IL16: variants seen among roughly 807,000 people sequenced by gnomAD.
The protein encoded by IL16 is pro-interleukin-16.
A neutral mutation model predicts 110.1 loss-of-function variants in IL16; 67 were observed. The observed-to-expected ratio is 0.61, with a 90% confidence interval of 0.50 to 0.75. The LOEUF (loss-of-function observed/expected upper bound fraction) is 0.75. IL16 is among the 30% of genes least tolerant of loss of function. The probability of loss-of-function intolerance (pLI) is 0.00; values close to 1 mark genes in which losing one functional copy is unlikely to be tolerated. For synonymous variants in IL16, 689 were observed against 662.9 expected (o/e 1.04, Z -0.61); for missense variants, 1,545 against 1,655.0 (o/e 0.93, Z 1.15).
chr15:81,219,836 G>A (rs1896555266), intron 1 of IL16, among the ~76,000 whole-genome samples: 1 of 152,104 alleles, frequency 6.6e-6, no homozygotes. Context: ...TGTTGGAAAG[G>A]GCCTCTGAAA....
At chr15:81,253,512 T>C (rs1213256922) in intron 2 of IL16, among the ~76,000 whole-genome samples, 2 of 152,196 alleles carry the variant, frequency 1.3e-5, no homozygotes, top group Admixed American at 1.3e-4. Context: ...TTTGTGCTTT[T>C]TGTATCGTAT....
chr15:81,289,949 T>C, intron 10 of IL16: 1 of 452,030 alleles, frequency 2.2e-6, no homozygotes, highest in South Asian at 1.6e-5. Context: ...TGTCTAGGTG[T>C]TCACACCTAG....
intron 2 of IL16, among the ~76,000 whole-genome samples, chr15:81,256,708 C>T (rs1897960765): frequency 6.6e-6 from 1 of 152,166 alleles, no homozygotes; most frequent in African/African-American, 2.4e-5. Context: ...TATTTACGCT[C>T]ATGCAGCTAG....
At chr15:81,197,194 C>T (rs181295603) in intron 1 of IL16, 42 bp downstream of exon 1, 176 of 1,252,716 alleles carry the variant, frequency 1.4e-4, no homozygotes, top group Non-Finnish European at 1.7e-4. Context: ...TCCAGGTGGC[C>T]GTTACCGGAG....
rs151319850 is a variant in IL16 at position 81,273,125 on chromosome 15, C to T, written c.711C>T (p.Ser237=). 8.7e-6 allele frequency: 14 copies of T among 1,613,630 alleles called. No homozygotes were observed. The East Asian group carries it at 2.5e-4, about 28-fold the overall frequency. The part of the protein sequence containing the change: ...LGFSIVGGKD[S]IYGPIGIYVK... ...TCAGCATCGTTGGGGGAAAAGACAG[C>T]ATTTATGGCCCCATTGGGATTTACG... is the stretch of plus-strand genomic sequence containing the variant. The change falls in exon 6 of 19, where the codon AGC becomes AGT. Residue 237 remains serine (S), a synonymous_variant. Transcript: ENST00000683961.
chr15:81,217,958 T>G (rs1011064703), intron 1 of IL16, among the ~76,000 whole-genome samples: 1 of 152,192 alleles, frequency 6.6e-6, no homozygotes, highest in Non-Finnish European at 1.5e-5. Context: ...TTTCCATTAA[T>G]GTCTGGAAAG....
chr15:81,299,764 C>G lies in IL16; in HGVS notation c.2438C>G (p.Ala813Gly). The G allele has an allele frequency of 6.2e-7, 1 of 1,614,182 alleles. No homozygotes were observed. The highest frequency in any genetic ancestry group is 8.5e-7 in the Non-Finnish European group (1 of 1,180,022). Residue 813 changes from alanine to glycine, a missense_variant, in exon 14 of 19, where the codon GCC (alanine) becomes GGC (glycine). Around this residue, in one of 3 missense-constraint regions of IL16, gnomAD observed 1,185 missense variants for 1,238.8 expected, o/e 0.96. Coordinates refer to ENST00000683961, the MANE Select transcript of IL16 (RefSeq NM_172217.5). The part of the protein sequence containing the change: ...ASDPRGLPDP[A>G]LSTQPAPASR... ...GACCCAAGAGGGCTCCCTGATCCTG[C>G]CTTGTCCACCCAGCCAGCACCTGCT...
chr15:81,292,500 G>T (rs1596041264), intron 11 of IL16, 56 bp from the exon 12 acceptor site: 3 of 1,612,586 alleles, frequency 1.9e-6, no homozygotes, highest in Non-Finnish European at 2.5e-6. Context: ...GAGGCCAGGG[G>T]GTATTTCTGT....
chr15:81,237,045 C>T (rs934639410), intron 2 of IL16, among the ~76,000 whole-genome samples: 10 of 152,204 alleles, frequency 6.6e-5, no homozygotes, highest in Non-Finnish European at 1.2e-4. Context: ...TTGTACATTA[C>T]AACCCATGTA....
intron 2 of IL16, among the ~76,000 whole-genome samples, chr15:81,236,169 G>C (rs1377050087): frequency 6.6e-6 from 1 of 152,242 alleles, no homozygotes; most frequent in African/African-American, 2.4e-5. Flanking sequence ...TCTGGCATGT[G>C]CTGTGGTTGG....
At chr15:81,186,782 C>T (rs1436307494) in intron 1 of IL16, among the ~76,000 whole-genome samples, 1 of 152,144 alleles carries the variant, frequency 6.6e-6, no homozygotes, top group Non-Finnish European at 1.5e-5. Context: ...TCCATCTCTC[C>T]ATCCCTCTGT....
In IL16 at chr15:81,300,308, G is replaced by GAT; in HGVS notation, c.2982_2983insAT (p.Ser995IlefsTer6). On this transcript the variant is annotated frameshift_variant, in exon 14 of 19. Transcript: ENST00000683961. LOFTEE classifies it high-confidence loss of function. ...AACTCTATTCTATCAGCAGCCAAGT[G>GAT]TCATCGGCTGTCATGAAATCCTTGC... is the stretch of plus-strand genomic sequence containing the variant. 4.3e-6 allele frequency: 7 copies of GAT among 1,614,188 alleles called. No individual in the cohort carries two copies. The highest frequency in any genetic ancestry group is 5.1e-6 in the Non-Finnish European group (6 of 1,180,026).
At chr15:81,194,004 C>G (rs536974763), upstream of IL16, among the ~76,000 whole-genome samples, 1 of 152,112 alleles carries the variant, frequency 6.6e-6, no homozygotes, top group African/African-American at 2.4e-5. Context: ...AAAATTGTTA[C>G]ATTACTAGTT....
At chr15:81,238,849 G>T in intron 2 of IL16, among the ~76,000 whole-genome samples, 1 of 147,250 alleles carries the variant, frequency 6.8e-6, no homozygotes. Context: ...TTTTACCTGA[G>T]AATATCTTTA....
rs191891159 is a variant in IL16, at chr15:81,248,096, C to T, written c.313-11676C>T. 3.3e-5 allele frequency among the ~76,000 whole-genome samples: 5 copies of T among 152,106 alleles called. No homozygotes were observed. In the East Asian group the frequency reaches 5.8e-4, roughly 18 times the overall value. ...CATTATGAGGCTATGTTATAAGGTGCGAACATTTAGAATTGTTATATATTC... is the reference window on the plus strand; with the variant it reads ...CATTATGAGGCTATGTTATAAGGTGTGAACATTTAGAATTGTTATATATTC... On this transcript the variant is annotated intron_variant, in intron 2 of 18. Coordinates refer to ENST00000683961, the MANE Select transcript of IL16 (RefSeq NM_172217.5).
chr15:81,295,153 G>T (rs1342171811), intron 12 of IL16, among the ~76,000 whole-genome samples: 1 of 151,962 alleles, frequency 6.6e-6, no homozygotes, highest in African/African-American at 2.4e-5. Flanking sequence ...CAGGATTTTC[G>T]AAGAATCCTT....
chr15:81,308,519 C>G (rs368067982), intron 18 of IL16, 86 bp from the exon 19 acceptor site: 2 of 1,010,430 alleles, frequency 2.0e-6, no homozygotes. Context: ...ACCAAGCTAT[C>G]CTGGCTCTTT....
intron 4 of IL16, among the ~76,000 whole-genome samples, chr15:81,267,214 C>G (rs538609629): frequency 1.1e-4 from 16 of 152,194 alleles, no homozygotes; most frequent in Non-Finnish European, 1.9e-4. Context: ...GGAGGCCTAC[C>G]TGGCCAGCAG....
In IL16 at chr15:81,306,050, C is replaced by A. The variant is rs774544974; in HGVS notation, c.3563C>A (p.Pro1188His). The A allele has an allele frequency of 1.2e-6, 2 of 1,614,086 alleles. No homozygotes were observed. Among genetic ancestry groups the A allele is most frequent in the Non-Finnish European group, 1.7e-6 (2 of 1,180,046 alleles). The part of the protein sequence containing the change: ...ALAILRQARE[P>H]RQAVIVTRKL... ...GCCATCCTCCGCCAAGCTCGAGAGC[C>A]CAGGCAAGCTGTGATTGTCACAAGG... The change falls in exon 17 of 19, where the codon CCC (proline) becomes CAC (histidine). Residue 1188 changes from proline (P) to histidine (H), a missense_variant. Pro to His is a moderately conservative substitution (Grantham distance 77). Coordinates refer to ENST00000683961, the MANE Select transcript of IL16 (RefSeq NM_172217.5).
Sources: allele counts gnomAD v4.1 joint callset (sites outside exome capture counted in the v4.1 genomes callset), GRCh38; gene constraint gnomAD v4.1.1; regional missense constraint gnomAD v4.1.1; transcripts MANE v1.5; gene names NCBI Gene and HGNC (gene_info 2026-07-23, HGNC 2026-07-21).